Variants in NLK observed in about 807,000 individuals in gnomAD.
NLK encodes the protein nemo like kinase.
Under a neutral mutation model 59.0 loss-of-function variants are expected in NLK, and 11 were observed. The observed-to-expected ratio is 0.19, with a 90% CI of 0.12 to 0.31. The LOEUF (loss-of-function observed/expected upper bound fraction) is 0.31. Ranked by LOEUF, NLK falls within the 10% of genes least tolerant of loss-of-function variation. NLK has a pLI of 1.00. For synonymous variants in NLK, 235 were observed against 235.9 expected, an observed-to-expected ratio of 1.00 and a Z score of 0.03; for missense variants, 410 against 661.1, an observed-to-expected ratio of 0.62 and a Z score of 4.16.
rs1363611907 is a variant in NLK at position 28,121,047 on chromosome 17, TAGAAAG to T, written c.459-1552_459-1547del. On this transcript the variant is annotated intron_variant, in intron 1 of 10. Coordinates refer to ENST00000407008, the MANE Select transcript of NLK (RefSeq NM_016231.5). Reference sequence around the variant, plus strand: ...CTGTTCTAAACTTTAATTAATAACTTAGAAAGAGACATTAATGTCACATGGATCAAT... The same window carrying T: ...CTGTTCTAAACTTTAATTAATAACTTAGACATTAATGTCACATGGATCAAT... 3.3e-5 allele frequency among the ~76,000 whole-genome samples: 5 copies of T among 152,178 alleles called. No individual in the cohort carries two copies. The East Asian group carries it at 9.6e-4, about 29-fold the overall frequency.
At chr17:28,156,552 C>T (rs1907739639) in intron 3 of NLK, among the ~76,000 whole-genome samples, 1 of 152,114 alleles carries the variant, frequency 6.6e-6, no homozygotes, top group South Asian at 2.1e-4. Context: ...CACCCCGCAA[C>T]ACACACTTTT....
intron 1 of NLK, among the ~76,000 whole-genome samples, chr17:28,099,660 G>C (rs530850634): frequency 6.9e-6 from 1 of 145,430 alleles, no homozygotes; most frequent in South Asian, 2.2e-4. Context: ...CTCACTGCAA[G>C]CTCCGCTTCC....
intron 3 of NLK, among the ~76,000 whole-genome samples, chr17:28,137,064 A>G (rs1429535480): frequency 6.6e-6 from 1 of 152,112 alleles, no homozygotes; most frequent in African/African-American, 2.4e-5. Context: ...TCAAGTTACT[A>G]TATGAATTCA....
In NLK at chr17:28,133,158, G is replaced by A. The variant is rs992237455; in HGVS notation, c.644+483G>A. On this transcript the variant is annotated intron_variant, in intron 3 of 10. Coordinates refer to ENST00000407008, the MANE Select transcript of NLK (RefSeq NM_016231.5). ...TGGTAGTGGTGATATTGACATAATA[G>A]CCATTACTTATATAGTTTTTATCAG... Among the ~76,000 whole-genome samples, 5 of 152,246 alleles carry A rather than the reference G, an allele frequency of 3.3e-5. No individual in the cohort carries two copies. The East Asian group carries it at 9.6e-4, about 29-fold the overall frequency.
chr17:28,161,076 G>A, intron 3 of NLK, 84 bp from the exon 4 acceptor site: 3 of 734,464 alleles, frequency 4.1e-6, no homozygotes, highest in Non-Finnish European at 2.4e-6. Context: ...CCTTGAGAAT[G>A]GAAGTTATTT....
chr17:28,169,740 G>A (rs1372399279), intron 6 of NLK, among the ~76,000 whole-genome samples: 1 of 40,776 alleles, frequency 2.5e-5, no homozygotes, highest in Non-Finnish European at 5.0e-5. Context: ...TTTTTTTTTT[G>A]GCCCCTAAAA....
chr17:28,140,071 T>C (rs1906923629), intron 3 of NLK, among the ~76,000 whole-genome samples: 1 of 152,012 alleles, frequency 6.6e-6, no homozygotes, highest in African/African-American at 2.4e-5. Context: ...AGGATAGATA[T>C]TCCAGATGGT....
rs183849476 is a variant in NLK, at chr17:28,060,431, C to G, written c.458+17100C>G. On this transcript the variant is annotated intron_variant, in intron 1 of 10. Transcript: ENST00000407008. Reference sequence around the variant, plus strand: ...GTTAATATCTTTAATATTAAAAGAGCTCTCTTTTTTACTTTTTAAAAATAG... The same window carrying G: ...GTTAATATCTTTAATATTAAAAGAGGTCTCTTTTTTACTTTTTAAAAATAG... Among the ~76,000 whole-genome samples the G allele has an allele frequency of 5.1e-3, 782 of 152,080 alleles. 4 individuals are homozygous for G. The highest frequency in any genetic ancestry group is 9.3e-3 in the Non-Finnish European group (629 of 67,980).
intron 4 of NLK, among the ~76,000 whole-genome samples, chr17:28,161,827 A>G (rs1328720287): frequency 1.3e-5 from 2 of 152,200 alleles, no homozygotes; most frequent in Admixed American, 1.3e-4. Flanking sequence ...ATTTGGGCCA[A>G]CATTATTGAC....
intron 1 of NLK, among the ~76,000 whole-genome samples, chr17:28,091,537 G>A (rs1339971464): frequency 6.6e-6 from 1 of 151,500 alleles, no homozygotes; most frequent in Admixed American, 6.6e-5. Flanking sequence ...GGTCAATACA[G>A]TTCTTATAGC....
At chr17:28,050,596 TC>T (rs1326983402) in intron 1 of NLK, among the ~76,000 whole-genome samples, 1 of 152,028 alleles carries the variant, frequency 6.6e-6, no homozygotes. Context: ...AAGAGAGACT[TC>T]GTCAGATTTA....
rs780577940 is a variant in NLK, at chr17:28,191,036, G to A, written c.1252G>A (p.Ala418Thr). Residue 418 changes from alanine (A) to threonine (T), a missense_variant, in exon 9 of 11, where the codon GCT becomes ACT. Around this residue, in one of 5 missense-constraint regions of NLK, gnomAD observed 150 missense variants for 244.3 expected, o/e 0.61. Transcript: ENST00000407008. ...LVFDPSKRIS[A>T]KDALAHPYLD... Reference sequence around the variant, plus strand: ...TTGATTTCAGTCCAAAAGAATATCCGCTAAGGATGCCTTAGCCCACCCCTA... The same window carrying A: ...TTGATTTCAGTCCAAAAGAATATCCACTAAGGATGCCTTAGCCCACCCCTA... 8.1e-6 allele frequency: 13 copies of A among 1,600,188 alleles called. No homozygotes were observed. The highest frequency in any genetic ancestry group is 1.0e-5 in the Non-Finnish European group (12 of 1,175,202).
intron 5 of NLK, among the ~76,000 whole-genome samples, chr17:28,167,789 C>T (rs1449698153): frequency 1.3e-5 from 2 of 151,580 alleles, no homozygotes; most frequent in East Asian, 2.0e-4. Flanking sequence ...AGATCGATCA[C>T]GCCACTGCAC....
chr17:28,075,875 G>A (rs527358631), intron 1 of NLK, among the ~76,000 whole-genome samples: 4 of 151,786 alleles, frequency 2.6e-5, no homozygotes, highest in African/African-American at 7.3e-5. Flanking sequence ...GCTACCTCCC[G>A]TCTGTTTTGG....
chr17:28,050,486 C>T (rs992938603), intron 1 of NLK, among the ~76,000 whole-genome samples: 10 of 151,996 alleles, frequency 6.6e-5, no homozygotes, highest in South Asian at 4.1e-4. Flanking sequence ...TAAGATTTTA[C>T]GAGGGGATGA....
At chr17:28,121,442 G>A (rs1906046507) in intron 1 of NLK, among the ~76,000 whole-genome samples, 1 of 145,400 alleles carries the variant, frequency 6.9e-6, no homozygotes, top group South Asian at 2.2e-4. Flanking sequence ...TTTGCCAAAT[G>A]ACCAATTGGC....
intron 3 of NLK, among the ~76,000 whole-genome samples, chr17:28,143,001 G>C (rs1907073209): frequency 6.6e-6 from 1 of 151,166 alleles, no homozygotes; most frequent in Non-Finnish European, 1.5e-5. Flanking sequence ...AAAGTCACCT[G>C]ACTCATATTT....
chr17:28,148,728 T>G (rs1034060384), intron 3 of NLK, among the ~76,000 whole-genome samples: 2 of 152,206 alleles, frequency 1.3e-5, no homozygotes, highest in Non-Finnish European at 2.9e-5. Context: ...AAAATACTTT[T>G]CAGCAAACAG....
chr17:28,203,782 CT>C, the NLK span, among the ~76,000 whole-genome samples: 1 of 152,182 alleles, frequency 6.6e-6, no homozygotes, highest in Non-Finnish European at 1.5e-5. Context: ...GGTGATCCAC[CT>C]GCCTCAGCCT....
Sources: gnomAD v4.1 joint callset for allele counts (sites outside exome capture counted in the v4.1 genomes callset) on GRCh38, gnomAD v4.1.1 for gene constraint, gnomAD v4.1.1 regional missense constraint, MANE v1.5 for transcripts, NCBI Gene and HGNC (gene_info 2026-07-23, HGNC 2026-07-21) for gene names.